MYT1L: variants seen among roughly 807,000 people sequenced by gnomAD.
MYT1L encodes the protein myelin transcription factor 1 like, also known as myelin transcription factor 1-like protein.
A neutral mutation model predicts 126.7 loss-of-function variants in MYT1L; 12 were observed. The ratio of observed to expected loss-of-function variants is 0.09; its 90% CI spans 0.06 to 0.15. MYT1L has a LOEUF of 0.15. MYT1L is among the 10% of genes least tolerant of loss of function. The pLI is 1.00. For missense variants in MYT1L, 979 were observed against 1,585.2 expected, an observed-to-expected ratio of 0.62 and a Z score of 6.49; for synonymous variants, 541 against 604.2, an observed-to-expected ratio of 0.90 and a Z score of 1.53.
At chr2:1,823,741 G>A (rs1045314498) in intron 21 of MYT1L, among the ~76,000 whole-genome samples, 2 of 152,210 alleles carry the variant, frequency 1.3e-5, no homozygotes, top group Admixed American at 6.5e-5. Context: ...CACGAGCAGC[G>A]ATGAGGCTGG....
chr2:2,206,875 C>G (rs1245987938), intron 2 of MYT1L, among the ~76,000 whole-genome samples: 1 of 152,164 alleles, frequency 6.6e-6, no homozygotes, highest in Admixed American at 6.5e-5. Context: ...AAAATAGCCG[C>G]CAAGCACGGT....
intron 2 of MYT1L, among the ~76,000 whole-genome samples, chr2:2,229,727 T>C (rs1023286744): frequency 6.6e-6 from 1 of 152,176 alleles, no homozygotes; most frequent in Non-Finnish European, 1.5e-5. Context: ...TGTATGTATA[T>C]GCATATATTA....
Position 1,910,994 on chromosome 2 carries a change from T to C in MYT1L, c.1710-647A>G, listed in dbSNP as rs932308489. ...TCACTTTATGTGAAATCACCGTGTC[T>C]GCTCTGTGGGTGTCTACATACGTAT... On this transcript the variant is annotated intron_variant, in intron 12 of 24. Transcript: ENST00000647738. This position sits in a 1 kb window ranked among gnomAD's most constrained non-coding sequence, Gnocchi z 4.8. Among the ~76,000 whole-genome samples the C allele has an allele frequency of 6.6e-6, 1 of 152,232 alleles. No individual in the cohort carries two copies. Among genetic ancestry groups the C allele is most frequent in the African/African-American group, 2.4e-5 (1 of 41,458 alleles).
chr2:1,935,560 T>C (rs1173644096), intron 9 of MYT1L, among the ~76,000 whole-genome samples: 1 of 152,218 alleles, frequency 6.6e-6, no homozygotes, highest in Non-Finnish European at 1.5e-5. Context: ...TCAATCGTTT[T>C]TATATTCTGC....
rs528464818 is a variant in MYT1L at position 2,076,009 on chromosome 2, G to A, written c.-303-21886C>T. On this transcript the variant is annotated intron_variant, in intron 3 of 24. Transcript: ENST00000647738. ...AGTCAATATTTTATCTGAAATTGCA[G>A]CTCTTAGGAAATCTGGACTCTGTGG... 6.6e-5 allele frequency among the ~76,000 whole-genome samples: 10 copies of A among 152,342 alleles called. No homozygotes were observed. The East Asian group carries it at 1.4e-3, about 21-fold the overall frequency.
At position 1,979,078 on chromosome 2, in the gene MYT1L, C is replaced by A. The variant is rs79450527; in HGVS notation, c.152+87G>T. On this transcript the variant is annotated intron_variant, in intron 8 of 24. Coordinates refer to ENST00000647738, the MANE Select transcript of MYT1L (RefSeq NM_001303052.2). The surrounding 1 kb of genome is among the most constrained non-coding windows in gnomAD (Gnocchi z 4.0). ...TAATGTGTATTGCTTTCCAAGAACA[C>A]CTGCTCACACAGTTCATCATCAGGA... The A allele has an allele frequency of 4.1e-3, 4,392 of 1,058,528 alleles. 107 individuals are homozygous for A. In the African/African-American group the frequency reaches 0.057, roughly 14 times the overall value. 65.6% of individuals were successfully genotyped at this position (1,058,528 alleles called of 1,614,324 possible).
intron 2 of MYT1L, among the ~76,000 whole-genome samples, chr2:2,188,820 G>A (rs908155031): frequency 3.3e-5 from 5 of 152,136 alleles, no homozygotes; most frequent in African/African-American, 1.2e-4. Flanking sequence ...GTGGGTCAGA[G>A]TTTTGAGTGA....
intron 2 of MYT1L, among the ~76,000 whole-genome samples, chr2:2,206,205 C>T (rs764558592): frequency 2.6e-5 from 4 of 151,966 alleles, no homozygotes; most frequent in South Asian, 2.1e-4. Flanking sequence ...TTCGAACTCC[C>T]GATCTCAGAT....
chr2:1,943,075 C>T lies in MYT1L; in HGVS notation c.412G>A (p.Glu138Lys), dbSNP rs1394439225. 3 of 1,455,608 alleles carry T rather than the reference C, an allele frequency of 2.1e-6. No homozygotes were observed. Among genetic ancestry groups the T allele is most frequent in the Non-Finnish European group, 2.8e-6 (3 of 1,059,562 alleles). The allele number at this position is 1,455,608 out of a possible 1,614,324, so 90.2% of individuals were successfully genotyped here. A position where few individuals can be genotyped will look rare whatever the true frequency, so the allele number is the denominator to read the frequency against. The change falls in exon 9 of 25, where the codon GAG (glutamate) becomes AAG (lysine). Residue 138 changes from glutamate (E) to lysine (K), a missense_variant. Glu to Lys is a moderately conservative substitution (Grantham distance 56). Transcript: ENST00000647738. The surrounding 1 kb of genome is among the most constrained non-coding windows in gnomAD (Gnocchi z 4.4). ...CCATCCTCGTCATCGTCCTCATCCT[C>T]CTCCTCGATCTCCTCCTCCTCCTCC... ...DREEEEEIEE[E>K]DEDDDEDGED...
chr2:2,009,952 T>C (rs1188103524), intron 4 of MYT1L, among the ~76,000 whole-genome samples: 2 of 151,964 alleles, frequency 1.3e-5, no homozygotes, highest in Non-Finnish European at 2.9e-5. Context: ...GAAAAGCTTT[T>C]TCTGTGTCAG....
chr2:2,006,507 A>G (rs1038869492), intron 4 of MYT1L, among the ~76,000 whole-genome samples: 2 of 152,088 alleles, frequency 1.3e-5, no homozygotes, highest in Admixed American at 6.6e-5. Flanking sequence ...CATTTGACTT[A>G]TATCTCCCCA....
rs2031846052 is a variant in MYT1L at position 1,790,329 on chromosome 2, A to G, written c.*1538T>C. ...ACATGGAAGGAAGAGATGCTACTAA[A>G]TGGAACTCAAGTCAACATCAGAAAA... On this transcript the variant is annotated 3_prime_UTR_variant, in exon 25 of 25. Transcript: ENST00000647738. 1 of 152,218 alleles carries G rather than the reference A, an allele frequency of 6.6e-6. No homozygotes were observed. The highest frequency in any genetic ancestry group is 2.4e-5 in the African/African-American group (1 of 41,448). 9.4% of individuals were successfully genotyped at this position (152,218 alleles called of 1,614,324 possible).
chr2:1,854,228 T>C (rs2043630539), intron 18 of MYT1L, among the ~76,000 whole-genome samples: 1 of 152,192 alleles, frequency 6.6e-6, no homozygotes, highest in Non-Finnish European at 1.5e-5. Context: ...TCAGTATAAA[T>C]ACAACTCACA....
chr2:2,320,937 A>G (rs2096153085), intron 1 of MYT1L, among the ~76,000 whole-genome samples: 1 of 152,160 alleles, frequency 6.6e-6, no homozygotes, highest in Non-Finnish European at 1.5e-5. Flanking sequence ...CCAGACAACA[A>G]ACAGCTGGAT....
chr2:2,290,958 A>G (rs953705148), intron 1 of MYT1L, among the ~76,000 whole-genome samples: 2 of 152,102 alleles, frequency 1.3e-5, no homozygotes, highest in Non-Finnish European at 2.9e-5. Context: ...CACTTCCTCC[A>G]TTAGATAAAG....
intron 4 of MYT1L, among the ~76,000 whole-genome samples, chr2:2,001,376 T>G (rs2062382546): frequency 6.6e-6 from 1 of 152,304 alleles, no homozygotes; most frequent in African/African-American, 2.4e-5. Context: ...TTAGGTTTTG[T>G]CACAGTCACA....
intron 2 of MYT1L, among the ~76,000 whole-genome samples, chr2:2,234,245 A>C (rs1218383567): frequency 6.6e-6 from 1 of 152,236 alleles, no homozygotes; most frequent in African/African-American, 2.4e-5. Context: ...TTCAATTTAA[A>C]AGAATAGTGT....
intron 18 of MYT1L, among the ~76,000 whole-genome samples, chr2:1,863,741 A>C (rs1313634356): frequency 7.0e-6 from 1 of 142,848 alleles, no homozygotes; most frequent in East Asian, 2.2e-4. Context: ...GAAACAAAAA[A>C]GGGGGGGGCA....
At chr2:2,261,493 CT>C (rs990711938) in intron 2 of MYT1L, among the ~76,000 whole-genome samples, 2 of 152,318 alleles carry the variant, frequency 1.3e-5, no homozygotes, top group East Asian at 3.9e-4. Context: ...GTCCTCCCCC[CT>C]GTTAGGTAGG....
Sources: gnomAD v4.1 joint callset for allele counts (sites outside exome capture counted in the v4.1 genomes callset) on GRCh38, gnomAD v4.1.1 for gene constraint, Gnocchi (gnomAD v3.1) non-coding constraint, MANE v1.5 for transcripts, NCBI Gene and HGNC (gene_info 2026-07-23, HGNC 2026-07-21) for gene names.